HTR2C: variants seen among roughly 807,000 people sequenced by gnomAD.
The protein encoded by HTR2C is 5-hydroxytryptamine receptor 2C, also known as 5-hydroxytryptamine (serotonin) receptor 2C, G protein-coupled.
Under a neutral mutation model 21.0 loss-of-function variants are expected in HTR2C, and 5 were observed. That is an observed-to-expected ratio of 0.24 (90% confidence interval 0.12 to 0.50). The LOEUF is 0.50. HTR2C is among the 20% of genes least tolerant of loss of function. HTR2C has a pLI of 0.98. For synonymous variants in HTR2C, 150 were observed against 145.3 expected (o/e 1.03, Z -0.23); for missense variants, 271 against 371.2 (o/e 0.73, Z 2.22).
chrX:114,602,240 G>C lies in HTR2C; in HGVS notation c.-146-11575G>C, dbSNP rs1248163717. 3.2e-4 allele frequency among the ~76,000 whole-genome samples: 9 copies of C among 28,033 alleles called. 4 individuals carry two copies. Among genetic ancestry groups the C allele is most frequent in the African/African-American group, 8.6e-4 (7 of 8,102 alleles). The allele number at this position is 28,033 out of a possible 115,157, so 24.3% of individuals were successfully genotyped here. On this transcript the variant is annotated intron_variant, in intron 1 of 5. Coordinates refer to ENST00000276198, the MANE Select transcript of HTR2C (RefSeq NM_000868.4). The stretch of plus-strand genomic sequence containing the variant: ...GTAAACAAGAGCAGGGCATGTATGA[G>C]TAGTTGAGAACGGTGAATAGGAGTA...
chrX:114,887,014 C>G (rs1556481722), intron 5 of HTR2C, among the ~76,000 whole-genome samples: 1 of 111,717 alleles, frequency 9.0e-6, no homozygotes, highest in Non-Finnish European at 1.9e-5. Context: ...TTTGGGGATA[C>G]AGCATTGCAA....
chrX:114,812,994 T>C (rs2070550036), intron 4 of HTR2C, among the ~76,000 whole-genome samples: 1 of 111,737 alleles, frequency 8.9e-6, no homozygotes, highest in Non-Finnish European at 1.9e-5. Context: ...GATTAATTTT[T>C]AAAAATATAA....
intron 2 of HTR2C, among the ~76,000 whole-genome samples, chrX:114,676,158 C>T (rs1370284184): frequency 6.3e-5 from 7 of 111,533 alleles, no homozygotes; most frequent in Admixed American, 9.6e-5. Context: ...GTGTGAGCCA[C>T]CGCGCTCAGC....
chrX:114,589,865 C>A, intron 1 of HTR2C: 1 of 320,553 alleles, frequency 3.1e-6, no homozygotes, highest in African/African-American at 2.7e-5. Flanking sequence ...GAGAATGCTG[C>A]CATTAAAAGA....
intron 2 of HTR2C, among the ~76,000 whole-genome samples, chrX:114,619,087 TACTCTC>T (rs1227520035): frequency 9.0e-6 from 1 of 111,551 alleles, no homozygotes; most frequent in Non-Finnish European, 1.9e-5. Flanking sequence ...TGTAAGAAAA[TACTCTC>T]AATGTGTTGC....
At chrX:114,751,208 A>T (rs1388457621) in intron 4 of HTR2C, among the ~76,000 whole-genome samples, 1 of 102,370 alleles carries the variant, frequency 9.8e-6, no homozygotes, top group Non-Finnish European at 2.0e-5. Flanking sequence ...AAAAGTGAAG[A>T]TCATTCATTT....
At chrX:114,635,584 T>A (rs1205846479) in intron 2 of HTR2C, among the ~76,000 whole-genome samples, 1 of 112,288 alleles carries the variant, frequency 8.9e-6, no homozygotes, top group Non-Finnish European at 1.9e-5. Flanking sequence ...CTTTAGTTTC[T>A]TGATTTGTAA....
intron 4 of HTR2C, among the ~76,000 whole-genome samples, chrX:114,742,725 T>A (rs12846950): frequency 0.088 from 1,892 of 21,589 alleles, 54 homozygotes; most frequent in African/African-American, 0.18. Flanking sequence ...TTTTTTTTTT[T>A]AATTTTTTTT....
chrX:114,620,073 C>T (rs1247750476), intron 2 of HTR2C, among the ~76,000 whole-genome samples: 1 of 111,591 alleles, frequency 9.0e-6, no homozygotes, highest in Non-Finnish European at 1.9e-5. Context: ...CTACCTTCCC[C>T]CAAGTGGCAG....
intron 2 of HTR2C, among the ~76,000 whole-genome samples, chrX:114,665,142 G>A (rs1556410741): frequency 2.7e-5 from 3 of 112,154 alleles, no homozygotes; most frequent in Non-Finnish European, 1.9e-5. Context: ...ATTGGTTAAC[G>A]TCAGCTTGCT....
intron 4 of HTR2C, among the ~76,000 whole-genome samples, chrX:114,792,364 C>G (rs1448456487): frequency 9.0e-6 from 1 of 111,066 alleles, no homozygotes; most frequent in Non-Finnish European, 1.9e-5. Context: ...TGAGTGAAAA[C>G]GAGGTGTTTG....
chrX:114,767,421 G>A (rs1556435543), intron 4 of HTR2C, among the ~76,000 whole-genome samples: 1 of 110,364 alleles, frequency 9.1e-6, no homozygotes, highest in African/African-American at 3.3e-5. Flanking sequence ...CTTTAAAGGG[G>A]AATTAATTTA....
At chrX:114,744,186 C>A (rs2069678447) in intron 4 of HTR2C, among the ~76,000 whole-genome samples, 1 of 109,912 alleles carries the variant, frequency 9.1e-6, no homozygotes. Context: ...TTATGTTTGT[C>A]AATTGTATCC....
intron 5 of HTR2C, among the ~76,000 whole-genome samples, chrX:114,857,309 C>T (rs189113286): frequency 9.0e-6 from 1 of 111,370 alleles, no homozygotes; most frequent in Non-Finnish European, 1.9e-5. Context: ...CTATTAATTT[C>T]TATCTGGATT....
chrX:114,823,545 T>C (rs1556457138), intron 4 of HTR2C: 2 of 342,891 alleles, frequency 5.8e-6, no homozygotes, highest in Admixed American at 6.2e-5. Flanking sequence ...GGATGTCCCA[T>C]CTCCCAGCCC....
intron 4 of HTR2C, among the ~76,000 whole-genome samples, chrX:114,809,262 T>C (rs1198183134): frequency 9.1e-6 from 1 of 110,462 alleles, no homozygotes; most frequent in East Asian, 2.9e-4. Flanking sequence ...GAGGAATCAC[T>C]TCCCATGGCC....
At chrX:114,787,314 T>G (rs1292236762) in intron 4 of HTR2C, among the ~76,000 whole-genome samples, 1 of 111,961 alleles carries the variant, frequency 8.9e-6, no homozygotes, top group Non-Finnish European at 1.9e-5. Context: ...AATAACACAT[T>G]GCATCAATTT....
chrX:114,652,233 C>T (rs145726220), intron 2 of HTR2C, among the ~76,000 whole-genome samples: 448 of 111,550 alleles, frequency 4.0e-3, no homozygotes, highest in Non-Finnish European at 6.4e-3. Context: ...TGGAAAGCTG[C>T]GTGATCTCTG....
At chrX:114,797,191 A>G (rs781936178) in intron 4 of HTR2C, among the ~76,000 whole-genome samples, 21 of 111,520 alleles carry the variant, frequency 1.9e-4, no homozygotes, top group Non-Finnish European at 3.4e-4. Flanking sequence ...TTATCACCTT[A>G]TTTCCTGGCC....
Sources: gnomAD v4.1 joint callset for allele counts (sites outside exome capture counted in the v4.1 genomes callset) on GRCh38, gnomAD v4.1.1 for gene constraint, MANE v1.5 for transcripts, NCBI Gene and HGNC (gene_info 2026-07-23, HGNC 2026-07-21) for gene names.